The following RAB22A variants were observed in gnomAD, a reference collection of about 807,000 sequenced individuals.
RAB22A encodes RAB22A, member RAS oncogene family, also known as ras-related protein Rab-22A.
In RAB22A, 13 loss-of-function variants were observed where a neutral mutation model predicts 30.2. The ratio of observed to expected loss-of-function variants is 0.43; its 90% CI spans 0.28 to 0.68. The LOEUF (loss-of-function observed/expected upper bound fraction) is 0.68, where lower values mean the gene tolerates loss of function less well. Ranked by LOEUF, RAB22A falls within the 30% of genes least tolerant of loss-of-function variation. RAB22A has a pLI of 0.18. For missense variants in RAB22A, 177 were observed against 246.8 expected (o/e 0.72, Z 1.89); for synonymous variants, 89 against 87.2 (o/e 1.02, Z -0.11).
At chr20:58,338,564 GGTGT>G (rs1247154990) in intron 2 of RAB22A, among the ~76,000 whole-genome samples, 1 of 152,082 alleles carries the variant, frequency 6.6e-6, no homozygotes, top group Non-Finnish European at 1.5e-5. Flanking sequence ...AAAGGTTAAA[GGTGT>G]GTGTGACTAT....
chr20:58,312,745 C>G (rs1220407073), intron 2 of RAB22A, among the ~76,000 whole-genome samples: 1 of 152,030 alleles, frequency 6.6e-6, no homozygotes, highest in Non-Finnish European at 1.5e-5. Flanking sequence ...CTGCCTTGGC[C>G]TCCCAAAGTG....
At chr20:58,324,283 G>T (rs1156464587) in intron 2 of RAB22A, among the ~76,000 whole-genome samples, 8 of 144,670 alleles carry the variant, frequency 5.5e-5, no homozygotes, top group Non-Finnish European at 9.0e-5. Flanking sequence ...TATTTCTCTT[G>T]TATTGGTTTT....
intron 2 of RAB22A, among the ~76,000 whole-genome samples, chr20:58,330,412 A>C (rs1986642276): frequency 6.6e-6 from 1 of 151,658 alleles, no homozygotes; most frequent in African/African-American, 2.4e-5. Context: ...TGCTCATTCC[A>C]GCGTCTGGAT....
rs191864348 is a variant in RAB22A at position 58,317,383 on chromosome 20, C to T, written c.116+6261C>T. On this transcript the variant is annotated intron_variant, in intron 2 of 6. Transcript: ENST00000244040. The stretch of plus-strand genomic sequence containing the variant: ...AAGTGCTGGGATTGCAGGCATGAGC[C>T]GCCGTGCCTGGCCAACCCTGGGCAG... 4.6e-3 allele frequency among the ~76,000 whole-genome samples: 695 copies of T among 151,966 alleles called. 9 individuals are homozygous for T. The highest frequency in any genetic ancestry group is 0.016 in the African/African-American group (655 of 41,420).
intron 6 of RAB22A, among the ~76,000 whole-genome samples, chr20:58,355,999 C>T (rs487769): frequency 0.51 from 78,137 of 151,948 alleles, 20,683 homozygotes; most frequent in South Asian, 0.68. Flanking sequence ...TTGTGTTCTT[C>T]ACTTTAGTGG....
In RAB22A at chr20:58,363,284, C is replaced by A. The variant is rs1450690883; in HGVS notation, c.*3581C>A. 6.6e-6 allele frequency: 1 copy of A among 152,142 alleles called. No individual in the cohort carries two copies. Among genetic ancestry groups the A allele is most frequent in the East Asian group, 1.9e-4 (1 of 5,204 alleles). The allele number at this position is 152,142 out of a possible 1,614,324, so 9.4% of individuals were successfully genotyped here. On this transcript the variant is annotated 3_prime_UTR_variant, in exon 7 of 7. Transcript: ENST00000244040. ...ATTCTTTTTGGTACTTTCACTTATT[C>A]TTTCAGAATACATCAAGGATGTGAT... is the stretch of plus-strand genomic sequence containing the variant.
intron 2 of RAB22A, among the ~76,000 whole-genome samples, 178 bp downstream of exon 2, chr20:58,311,300 T>C (rs372050592): frequency 1.3e-5 from 2 of 152,326 alleles, no homozygotes; most frequent in East Asian, 3.9e-4. Flanking sequence ...TTAGGAAAAT[T>C]ATCTTCGGAC....
intron 3 of RAB22A, among the ~76,000 whole-genome samples, chr20:58,346,801 T>C (rs1986957392): frequency 6.6e-6 from 1 of 152,230 alleles, no homozygotes; most frequent in Non-Finnish European, 1.5e-5. Context: ...GTTGGATGAA[T>C]CAGCAAATAA....
intron 2 of RAB22A, among the ~76,000 whole-genome samples, chr20:58,335,642 C>G (rs951333568): frequency 4.5e-4 from 69 of 152,128 alleles, no homozygotes; most frequent in African/African-American, 1.6e-3. Flanking sequence ...GATCAAACTT[C>G]CAGGGAGAGG....
At chr20:58,353,624 A>T in intron 5 of RAB22A, 86 bp downstream of exon 5, 1 of 1,143,434 alleles carries the variant, frequency 8.7e-7, no homozygotes, top group Non-Finnish European at 1.3e-6. Flanking sequence ...TCTTGCTTTT[A>T]TTTTATCTCT....
intron 2 of RAB22A, among the ~76,000 whole-genome samples, chr20:58,336,435 T>C (rs1284627926): frequency 6.6e-6 from 1 of 152,216 alleles, no homozygotes; most frequent in Non-Finnish European, 1.5e-5. Flanking sequence ...CTACATCATC[T>C]GTCTCTACTT....
chr20:58,347,146 G>A lies in RAB22A; in HGVS notation c.198+3347G>A, dbSNP rs575661211. Among the ~76,000 whole-genome samples, 12 of 152,272 alleles carry A rather than the reference G, an allele frequency of 7.9e-5. No individual in the cohort carries two copies. In the South Asian group the frequency reaches 1.2e-3, roughly 16 times the overall value. On this transcript the variant is annotated intron_variant, in intron 3 of 6. Transcript: ENST00000244040. ...CATTTATTATGGAACCAAAATTGTC[G>A]TAAAATGAAAACCCTTTTGATGAAT...
chr20:58,343,202 C>T (rs1459136852), intron 2 of RAB22A, among the ~76,000 whole-genome samples: 1 of 152,170 alleles, frequency 6.6e-6, no homozygotes, highest in Non-Finnish European at 1.5e-5. Context: ...GCTGTTACTT[C>T]TCCAGCCATC....
intron 2 of RAB22A, among the ~76,000 whole-genome samples, chr20:58,311,411 A>G (rs186322914): frequency 6.6e-5 from 10 of 152,356 alleles, no homozygotes; most frequent in African/African-American, 2.4e-4. Context: ...AACAGCAATT[A>G]CACCTTGAAA....
At chr20:58,335,461 T>C (rs2122949477) in intron 2 of RAB22A, among the ~76,000 whole-genome samples, 1 of 152,302 alleles carries the variant, frequency 6.6e-6, no homozygotes, top group East Asian at 1.9e-4. Context: ...AAACTTGATA[T>C]ACTTAGGTTG....
At chr20:58,316,269 A>C (rs1347176172) in intron 2 of RAB22A, among the ~76,000 whole-genome samples, 1 of 152,026 alleles carries the variant, frequency 6.6e-6, no homozygotes, top group Non-Finnish European at 1.5e-5. Context: ...TCCCTGCACC[A>C]GGTCCCCTCG....
At chr20:58,350,517 G>T (rs1987030733) in intron 3 of RAB22A, among the ~76,000 whole-genome samples, 1 of 152,122 alleles carries the variant, frequency 6.6e-6, no homozygotes, top group African/African-American at 2.4e-5. Context: ...AAAACCAAAG[G>T]TAAAGAGAAA....
intron 2 of RAB22A, among the ~76,000 whole-genome samples, chr20:58,334,040 T>A (rs1030175159): frequency 1.7e-4 from 25 of 150,058 alleles, no homozygotes; most frequent in Admixed American, 1.4e-3. Flanking sequence ...TAAAAAAAAA[T>A]TTTTTTTTGG....
At chr20:58,349,837 C>G (rs926990559) in intron 3 of RAB22A, among the ~76,000 whole-genome samples, 1 of 152,234 alleles carries the variant, frequency 6.6e-6, no homozygotes, top group Non-Finnish European at 1.5e-5. Flanking sequence ...AGTGGACAGT[C>G]AGCACTACTA....
Sources: allele counts gnomAD v4.1 joint callset (sites outside exome capture counted in the v4.1 genomes callset), GRCh38; gene constraint gnomAD v4.1.1; transcripts MANE v1.5; gene names NCBI Gene and HGNC (gene_info 2026-07-23, HGNC 2026-07-21).